The following ADRA1B variants were observed in gnomAD, a reference collection of about 807,000 sequenced individuals.
The protein encoded by ADRA1B is adrenoceptor alpha 1B.
ADRA1B carries 17 observed loss-of-function variants against 17.9 expected under a neutral mutation model. That is an observed-to-expected ratio of 0.95 (90% confidence interval 0.65 to 1.42). The LOEUF (loss-of-function observed/expected upper bound fraction) is 1.42. Among genes scored for constraint, ADRA1B ranks in the 40% most tolerant of loss-of-function variants. The pLI, the probability that ADRA1B is intolerant of heterozygous loss-of-function variation, is 0.00. For missense variants in ADRA1B, 681 were observed against 722.1 expected (o/e 0.94, Z 0.65); for synonymous variants, 366 against 327.6 (o/e 1.12, Z -1.27).
chr5:159,952,871 T>C (rs1355275657), intron 1 of ADRA1B, among the ~76,000 whole-genome samples: 1 of 152,220 alleles, frequency 6.6e-6, no homozygotes. Context: ...CCACCTTCTC[T>C]GTAATCAGGA....
intron 1 of ADRA1B, among the ~76,000 whole-genome samples, chr5:159,926,043 G>A (rs879720244): frequency 1.3e-5 from 2 of 152,286 alleles, no homozygotes; most frequent in East Asian, 1.9e-4. Context: ...ACTCTCTGCC[G>A]AACATGGGTG....
chr5:159,949,318 T>G (rs1394613435), intron 1 of ADRA1B, among the ~76,000 whole-genome samples: 1 of 152,244 alleles, frequency 6.6e-6, no homozygotes, highest in Non-Finnish European at 1.5e-5. Flanking sequence ...AGAGCATGCA[T>G]GCAACATGGT....
chr5:159,982,151 T>C, the ADRA1B span, among the ~76,000 whole-genome samples: 1 of 152,204 alleles, frequency 6.6e-6, no homozygotes, highest in Non-Finnish European at 1.5e-5. Context: ...CTGTCAGACA[T>C]GTAAATAACT....
intron 1 of ADRA1B, among the ~76,000 whole-genome samples, chr5:159,877,646 C>T (rs1753817575): frequency 6.6e-6 from 1 of 152,110 alleles, no homozygotes; most frequent in Non-Finnish European, 1.5e-5. Context: ...TACTGTGCAC[C>T]AGGCATTGTG....
At chr5:159,931,032 A>C (rs933658951) in intron 1 of ADRA1B, among the ~76,000 whole-genome samples, 1 of 147,096 alleles carries the variant, frequency 6.8e-6, no homozygotes, top group Non-Finnish European at 1.5e-5. Flanking sequence ...TTAATAATAT[A>C]TATATTATAT....
intron 1 of ADRA1B, among the ~76,000 whole-genome samples, chr5:159,971,632 A>T (rs1343954077): frequency 1.3e-5 from 2 of 152,214 alleles, no homozygotes; most frequent in African/African-American, 4.8e-5. Context: ...ATGCTGTTTA[A>T]CTAGATCAAG....
intron 1 of ADRA1B, among the ~76,000 whole-genome samples, chr5:159,921,183 C>T (rs1005569450): frequency 1.3e-5 from 2 of 152,182 alleles, no homozygotes; most frequent in African/African-American, 2.4e-5. Flanking sequence ...GAGCTCTCCC[C>T]ACCTGGGACA....
intron 1 of ADRA1B, among the ~76,000 whole-genome samples, chr5:159,887,060 T>C (rs1265784113): frequency 6.6e-6 from 1 of 152,174 alleles, no homozygotes; most frequent in Non-Finnish European, 1.5e-5. Flanking sequence ...TCAAAGATTC[T>C]CCTTAGTAAC....
chr5:159,960,509 G>A (rs935977363), intron 1 of ADRA1B, among the ~76,000 whole-genome samples: 1 of 152,156 alleles, frequency 6.6e-6, no homozygotes, highest in Non-Finnish European at 1.5e-5. Flanking sequence ...TGTAATGCGG[G>A]CTAAGGCAAT....
At chr5:159,930,055 A>G (rs544207982) in intron 1 of ADRA1B, among the ~76,000 whole-genome samples, 4 of 152,360 alleles carry the variant, frequency 2.6e-5, no homozygotes, top group South Asian at 2.1e-4. Flanking sequence ...GTCAGAATGC[A>G]TAGAGTTACT....
At chr5:159,951,705 G>C (rs1488346532) in intron 1 of ADRA1B, among the ~76,000 whole-genome samples, 1 of 152,168 alleles carries the variant, frequency 6.6e-6, no homozygotes, top group African/African-American at 2.4e-5. Context: ...CACCTTTGGG[G>C]TCTCACTGTG....
intron 1 of ADRA1B, among the ~76,000 whole-genome samples, chr5:159,881,315 C>CTCTCTCTCCT (rs1753860848): frequency 6.7e-6 from 1 of 150,208 alleles, no homozygotes; most frequent in Non-Finnish European, 1.5e-5. Context: ...CTCTCTCTCT[C>CTCTCTCTCCT]TCTCTCTCTC....
chr5:159,894,025 G>A (rs1381113125), intron 1 of ADRA1B, among the ~76,000 whole-genome samples: 1 of 152,186 alleles, frequency 6.6e-6, no homozygotes, highest in Admixed American at 6.5e-5. Context: ...CAGGACTCAG[G>A]CTGGCCCCTC....
At chr5:159,898,544 CAT>C (rs1394267281) in intron 1 of ADRA1B, among the ~76,000 whole-genome samples, 2 of 152,176 alleles carry the variant, frequency 1.3e-5, no homozygotes, top group African/African-American at 2.4e-5. Flanking sequence ...AAAACAAACA[CAT>C]GTTTATAGAT....
chr5:159,975,457 A>T (rs1755957399), downstream of ADRA1B, among the ~76,000 whole-genome samples: 1 of 152,224 alleles, frequency 6.6e-6, no homozygotes, highest in Non-Finnish European at 1.5e-5. Flanking sequence ...AAAGGATTCA[A>T]CGAGATCATT....
chr5:159,880,392 A>C (rs1331691497), intron 1 of ADRA1B, among the ~76,000 whole-genome samples: 12 of 152,210 alleles, frequency 7.9e-5, no homozygotes, highest in African/African-American at 2.7e-4. Context: ...AGAGTTTCCC[A>C]TCCCACTTTT....
intron 1 of ADRA1B, among the ~76,000 whole-genome samples, chr5:159,931,574 AAAAG>A (rs1754807418): frequency 1.3e-5 from 2 of 152,168 alleles, no homozygotes; most frequent in Non-Finnish European, 2.9e-5. Flanking sequence ...CAAAATATAA[AAAAG>A]AAAGGAAAAA....
intron 1 of ADRA1B, among the ~76,000 whole-genome samples, chr5:159,970,811 G>T (rs966802599): frequency 7.2e-5 from 11 of 152,170 alleles, no homozygotes; most frequent in Non-Finnish European, 1.2e-4. Context: ...CGTTTTCGTT[G>T]TTGTTTTTGG....
chr5:159,896,597 G>C (rs531438225), intron 1 of ADRA1B, among the ~76,000 whole-genome samples: 1 of 152,280 alleles, frequency 6.6e-6, no homozygotes, highest in African/African-American at 2.4e-5. Flanking sequence ...TATTTCTCAG[G>C]GTTTGGAAAC....
Sources: allele counts gnomAD v4.1 joint callset (sites outside exome capture counted in the v4.1 genomes callset), GRCh38; gene constraint gnomAD v4.1.1; transcripts MANE v1.5; gene names NCBI Gene and HGNC (gene_info 2026-07-23, HGNC 2026-07-21).